The following CNTNAP4 variants were observed in gnomAD, a reference collection of about 807,000 sequenced individuals.
CNTNAP4 encodes contactin-associated protein-like 4.
Under a neutral mutation model 148.4 loss-of-function variants are expected in CNTNAP4, and 98 were observed. The ratio of observed to expected loss-of-function variants is 0.66; its 90% CI spans 0.56 to 0.78. CNTNAP4 has a LOEUF of 0.78. CNTNAP4 is among the 30% of genes least tolerant of loss of function. The pLI, the probability that CNTNAP4 is intolerant of heterozygous loss-of-function variation, is 0.00. For missense variants in CNTNAP4, 1,935 were observed against 1,565.6 expected (o/e 1.24, Z -3.98); for synonymous variants, 730 against 565.1 (o/e 1.29, Z -4.14).
At chr16:76,381,060 A>C (rs1385661817) in intron 3 of CNTNAP4, among the ~76,000 whole-genome samples, 1 of 152,104 alleles carries the variant, frequency 6.6e-6, no homozygotes, top group Non-Finnish European at 1.5e-5. Context: ...TCTATTTCCC[A>C]TTACCAGTTA....
At chr16:76,355,852 A>G (rs1190295041) in intron 3 of CNTNAP4, among the ~76,000 whole-genome samples, 1 of 77,126 alleles carries the variant, frequency 1.3e-5, no homozygotes, top group Non-Finnish European at 3.6e-5. Context: ...TTATTTATTT[A>G]TTTATTTATT....
intron 15 of CNTNAP4, among the ~76,000 whole-genome samples, chr16:76,515,511 G>A (rs1012039846): frequency 6.6e-6 from 1 of 152,144 alleles, no homozygotes; most frequent in Admixed American, 6.5e-5. Flanking sequence ...GCCAGGAAGA[G>A]AGGTCTCACA....
intron 2 of CNTNAP4, among the ~76,000 whole-genome samples, chr16:76,353,493 A>G (rs1316404299): frequency 6.6e-6 from 1 of 152,188 alleles, no homozygotes; most frequent in East Asian, 1.9e-4. Flanking sequence ...GATTATGTCC[A>G]TACTCCAACC....
intron 3 of CNTNAP4, among the ~76,000 whole-genome samples, chr16:76,398,721 A>G (rs1360043107): frequency 1.3e-5 from 2 of 152,160 alleles, no homozygotes; most frequent in Non-Finnish European, 1.5e-5. Context: ...AACACATGAT[A>G]CTATCCAACT....
intron 12 of CNTNAP4, among the ~76,000 whole-genome samples, chr16:76,483,231 A>AACTTCACACACACACAC (rs1167634774): frequency 2.9e-5 from 4 of 140,112 alleles, no homozygotes; most frequent in African/African-American, 7.8e-5. Context: ...AGTTTTAAGA[A>AACTTCACACACACACAC]ACACACACAC....
chr16:76,399,547 G>A (rs1005143522), intron 3 of CNTNAP4, among the ~76,000 whole-genome samples: 2 of 152,174 alleles, frequency 1.3e-5, no homozygotes, highest in African/African-American at 4.8e-5. Context: ...CCCACAGGGA[G>A]AGATCAAGAA....
rs78774134 is a variant in CNTNAP4 at position 76,531,666 on chromosome 16, A to C, written c.2756-3879A>C. Among the ~76,000 whole-genome samples, 92 of 152,306 alleles carry C rather than the reference A, an allele frequency of 6.0e-4. 1 individual carries two copies. In the East Asian group the frequency reaches 0.013, roughly 22 times the overall value. The stretch of plus-strand genomic sequence containing the variant: ...AATTGGACACACTCTAACCCTGAAA[A>C]GGCACTGGAATCTTTAATTAAGCTT... On this transcript the variant is annotated intron_variant, in intron 17 of 23. Transcript: ENST00000611870.
intron 3 of CNTNAP4, among the ~76,000 whole-genome samples, chr16:76,364,572 C>A (rs1567864338): frequency 6.6e-6 from 1 of 152,132 alleles, no homozygotes; most frequent in Non-Finnish European, 1.5e-5. Context: ...TTCCCTCTTA[C>A]CACGGCTGCG....
intron 3 of CNTNAP4, among the ~76,000 whole-genome samples, chr16:76,413,055 A>T (rs1281662292): frequency 6.6e-6 from 1 of 151,440 alleles, no homozygotes; most frequent in Admixed American, 6.6e-5. Context: ...TGAACTAAGC[A>T]CATCATGGAT....
At chr16:76,335,195 A>G (rs1186220302) in intron 2 of CNTNAP4, among the ~76,000 whole-genome samples, 3 of 152,172 alleles carry the variant, frequency 2.0e-5, no homozygotes, top group African/African-American at 2.4e-5. Context: ...ATCTTGTAAA[A>G]GGTGAGCACA....
At chr16:76,315,115 T>TGTGAAAAGCACTGTTG (rs1388070647) in intron 1 of CNTNAP4, among the ~76,000 whole-genome samples, 4 of 152,192 alleles carry the variant, frequency 2.6e-5, no homozygotes, top group African/African-American at 9.6e-5. Flanking sequence ...ATTATACTGT[T>TGTGAAAAGCACTGTTG]GTGAAAAGCA....
intron 21 of CNTNAP4, among the ~76,000 whole-genome samples, chr16:76,549,327 C>G (rs1013040220): frequency 6.6e-6 from 1 of 152,078 alleles, no homozygotes; most frequent in South Asian, 2.1e-4. Context: ...CTCTCTGTCC[C>G]AAAGCTGAGT....
intron 21 of CNTNAP4, among the ~76,000 whole-genome samples, chr16:76,552,277 C>T (rs374509815): frequency 1.1e-4 from 16 of 152,094 alleles, no homozygotes; most frequent in African/African-American, 2.7e-4. Context: ...TCCCTTGACA[C>T]GTGGGGATTA....
chr16:76,460,773 A>AAAAT, intron 8 of CNTNAP4, among the ~76,000 whole-genome samples: 5 of 57,320 alleles, frequency 8.7e-5, no homozygotes, highest in African/African-American at 3.2e-4. Context: ...AAAAAAAAAA[A>AAAAT]ATATATATAT....
chr16:76,423,828 A>G (rs2079278201), intron 3 of CNTNAP4, among the ~76,000 whole-genome samples: 1 of 152,140 alleles, frequency 6.6e-6, no homozygotes, highest in South Asian at 2.1e-4. Flanking sequence ...TCCAAGTGAC[A>G]CTGGCATTAG....
intron 21 of CNTNAP4, 118 bp from the exon 22 acceptor site, chr16:76,553,159 ATAAAAT>A (rs1017937349): frequency 4.4e-5 from 26 of 589,244 alleles, no homozygotes; most frequent in East Asian, 3.6e-4. Context: ...TTTAGTAAAG[ATAAAAT>A]TAAAAAGGAA....
intron 1 of CNTNAP4, among the ~76,000 whole-genome samples, chr16:76,285,127 G>T (rs913747967): frequency 6.6e-6 from 1 of 151,948 alleles, no homozygotes; most frequent in South Asian, 2.1e-4. Flanking sequence ...TGGAACATTG[G>T]TATTTGGAAG....
At chr16:76,296,678 T>C (rs1959338240) in intron 1 of CNTNAP4, among the ~76,000 whole-genome samples, 1 of 152,058 alleles carries the variant, frequency 6.6e-6, no homozygotes, top group Non-Finnish European at 1.5e-5. Context: ...AGAGAAATGG[T>C]ATAGCTAATC....
intron 1 of CNTNAP4, among the ~76,000 whole-genome samples, chr16:76,278,180 C>A (rs1008270252): frequency 6.6e-6 from 1 of 152,176 alleles, no homozygotes; most frequent in African/African-American, 2.4e-5. Flanking sequence ...CTGAAGTTTG[C>A]AATTGGGCAG....
Sources: allele counts gnomAD v4.1 joint callset (sites outside exome capture counted in the v4.1 genomes callset), GRCh38; gene constraint gnomAD v4.1.1; transcripts MANE v1.5; gene names NCBI Gene and HGNC (gene_info 2026-07-23, HGNC 2026-07-21).